The following NXPE2 variants were observed in gnomAD, a reference collection of about 807,000 sequenced individuals.
The protein encoded by NXPE2 is neurexophilin and PC-esterase domain family member 2.
NXPE2 carries 34 observed loss-of-function variants against 34.4 expected under a neutral mutation model. The ratio of observed to expected loss-of-function variants is 0.99; its 90% CI spans 0.75 to 1.31. The LOEUF (loss-of-function observed/expected upper bound fraction) is 1.31, where lower values mean the gene tolerates loss of function less well. NXPE2 is among the 40% of genes most tolerant of loss of function. The probability of loss-of-function intolerance (pLI) is 0.00; values close to 1 mark genes in which losing one functional copy is unlikely to be tolerated. For synonymous variants in NXPE2, 235 were observed against 231.3 expected (o/e 1.02, Z -0.15); for missense variants, 649 against 672.5 (o/e 0.97, Z 0.39).
chr11:114,533,630 G>A, the NXPE2 span, among the ~76,000 whole-genome samples: 1 of 152,240 alleles, frequency 6.6e-6, no homozygotes, highest in African/African-American at 2.4e-5. Context: ...AGCACACCAG[G>A]AGATTATATC....
At chr11:114,568,914 C>T in the NXPE2 span, among the ~76,000 whole-genome samples, 1 of 152,018 alleles carries the variant, frequency 6.6e-6, no homozygotes, top group African/African-American at 2.4e-5. Context: ...GCAGAGATAT[C>T]ATTTGTCTTT....
At chr11:114,753,204 C>A in the NXPE2 span, among the ~76,000 whole-genome samples, 1 of 151,976 alleles carries the variant, frequency 6.6e-6, no homozygotes, top group African/African-American at 2.4e-5. Flanking sequence ...CCAGCCTAGG[C>A]AACATGGTGA....
the NXPE2 span, among the ~76,000 whole-genome samples, chr11:114,725,523 T>G: frequency 2.0e-5 from 3 of 151,996 alleles, no homozygotes; most frequent in African/African-American, 4.8e-5. Flanking sequence ...TGAGTGTTTT[T>G]TTTTAACTAG....
the NXPE2 span, among the ~76,000 whole-genome samples, chr11:114,672,980 CCAA>C: frequency 6.6e-6 from 1 of 150,574 alleles, no homozygotes; most frequent in South Asian, 2.1e-4. Context: ...AACATTCTGC[CCAA>C]CAACAACAGA....
At chr11:114,519,968 T>TCGCCTCCCGGGTTCACGCTAATCTCC in the NXPE2 span, among the ~76,000 whole-genome samples, 1 of 117,232 alleles carries the variant, frequency 8.5e-6, no homozygotes, top group African/African-American at 4.5e-5. Flanking sequence ...CTCGGCGAGC[T>TCGCCTCCCGGGTTCACGCTAATCTCC]TGCCCGCTAA....
chr11:114,497,670 C>G, the NXPE2 span, among the ~76,000 whole-genome samples: 1 of 151,732 alleles, frequency 6.6e-6, no homozygotes, highest in East Asian at 1.9e-4. Context: ...CACTCTTGTA[C>G]AACAACAACA....
intron 2 of NXPE2, among the ~76,000 whole-genome samples, chr11:114,688,350 GT>G (rs1439550510): frequency 2.6e-5 from 4 of 151,990 alleles, no homozygotes; most frequent in Admixed American, 6.6e-5. Flanking sequence ...TGATGATATA[GT>G]TTTTGTTTTT....
At chr11:114,492,642 C>T in the NXPE2 span, among the ~76,000 whole-genome samples, 2 of 152,022 alleles carry the variant, frequency 1.3e-5, no homozygotes, top group African/African-American at 2.4e-5. Context: ...GGGTTCACGC[C>T]ATTCTCCTGA....
chr11:114,714,253 CT>C, the NXPE2 span, among the ~76,000 whole-genome samples: 53,129 of 152,010 alleles, frequency 0.35, 9,307 homozygotes, highest in East Asian at 0.42. Flanking sequence ...TAATTCTAGT[CT>C]TTTTTCTTTT....
At chr11:114,813,619 C>A in the NXPE2 span, among the ~76,000 whole-genome samples, 1 of 152,226 alleles carries the variant, frequency 6.6e-6, no homozygotes, top group Non-Finnish European at 1.5e-5. Context: ...CCGGCCTCCA[C>A]TGATAATGTA....
the NXPE2 span, among the ~76,000 whole-genome samples, chr11:114,789,167 G>A: frequency 3.9e-4 from 60 of 152,192 alleles, no homozygotes; most frequent in Non-Finnish European, 8.2e-4. Context: ...ATTGCTAAGA[G>A]AGTAGATTTT....
chr11:114,767,353 T>A, the NXPE2 span, among the ~76,000 whole-genome samples: 1 of 152,176 alleles, frequency 6.6e-6, no homozygotes, highest in East Asian at 1.9e-4. Flanking sequence ...GAACTTCCAT[T>A]GGCTCAAGAT....
chr11:114,681,714 A>C (rs1950955184), intron 2 of NXPE2, among the ~76,000 whole-genome samples: 1 of 152,190 alleles, frequency 6.6e-6, no homozygotes, highest in Non-Finnish European at 1.5e-5. Context: ...TCAGAATTAT[A>C]GGAGTTTCCC....
chr11:114,727,936 T>G, the NXPE2 span, among the ~76,000 whole-genome samples: 1 of 151,994 alleles, frequency 6.6e-6, no homozygotes, highest in Non-Finnish European at 1.5e-5. Context: ...TTTTATAGTT[T>G]TAGGTCGAAA....
At chr11:114,617,428 G>C in the NXPE2 span, among the ~76,000 whole-genome samples, 1 of 151,592 alleles carries the variant, frequency 6.6e-6, no homozygotes, top group Non-Finnish European at 1.5e-5. Flanking sequence ...TTACCGGGTG[G>C]ATAATAAGTA....
the NXPE2 span, chr11:114,530,316 C>T: frequency 2.5e-6 from 4 of 1,614,092 alleles, no homozygotes; most frequent in South Asian, 3.3e-5. Flanking sequence ...CAGATATTCA[C>T]AGAGTTCAGC....
At chr11:114,688,568 C>T (rs1005026384) in intron 2 of NXPE2, among the ~76,000 whole-genome samples, 11 of 151,872 alleles carry the variant, frequency 7.2e-5, no homozygotes, top group Admixed American at 6.6e-4. Flanking sequence ...GTGTCTTTGC[C>T]AGATTTTGAT....
the NXPE2 span, among the ~76,000 whole-genome samples, chr11:114,802,664 C>A: frequency 6.6e-6 from 1 of 151,976 alleles, no homozygotes; most frequent in Non-Finnish European, 1.5e-5. Context: ...ATATCAACAC[C>A]TGTGATACGC....
chr11:114,544,524 A>G, the NXPE2 span, among the ~76,000 whole-genome samples: 1 of 152,224 alleles, frequency 6.6e-6, no homozygotes, highest in African/African-American at 2.4e-5. Context: ...AGACGTTCAT[A>G]CATAAAAAAA....
Sources: gnomAD v4.1 joint callset for allele counts (sites outside exome capture counted in the v4.1 genomes callset) on GRCh38, gnomAD v4.1.1 for gene constraint, MANE v1.5 for transcripts, NCBI Gene and HGNC (gene_info 2026-07-23, HGNC 2026-07-21) for gene names.